TJP1: variants seen among roughly 807,000 people sequenced by gnomAD.
TJP1 encodes the protein tight junction protein 1, also known as tight junction protein ZO-1.
TJP1 carries 43 observed loss-of-function variants against 194.2 expected under a neutral mutation model. That is an observed-to-expected ratio of 0.22 (90% CI 0.17 to 0.29). The LOEUF (loss-of-function observed/expected upper bound fraction) is 0.29, where lower values mean the gene tolerates loss of function less well. Ranked by LOEUF, TJP1 falls within the 10% of genes least tolerant of loss-of-function variation. The pLI is 1.00. For missense variants in TJP1, 1,971 were observed against 2,185.7 expected (o/e 0.90, Z 1.96); for synonymous variants, 801 against 779.0 (o/e 1.03, Z -0.47).
intron 10 of TJP1, among the ~76,000 whole-genome samples, chr15:29,740,348 G>T (rs2044326770): frequency 6.6e-6 from 1 of 152,118 alleles, no homozygotes; most frequent in South Asian, 2.1e-4. Flanking sequence ...AATTTGGGCT[G>T]GGTACAGTGG....
intron 27 of TJP1, among the ~76,000 whole-genome samples, chr15:29,703,479 C>A (rs562937192): frequency 6.6e-6 from 1 of 151,912 alleles, no homozygotes; most frequent in Non-Finnish European, 1.5e-5. Context: ...ATAAATTAAA[C>A]AATAGTAACC....
At chr15:29,760,754 C>T (rs2045950292) in intron 8 of TJP1, among the ~76,000 whole-genome samples, 1 of 152,120 alleles carries the variant, frequency 6.6e-6, no homozygotes, top group Non-Finnish European at 1.5e-5. Flanking sequence ...GTTAACTTTC[C>T]CAAGCAGTAG....
At position 29,942,767 on chromosome 15, in the gene TJP1, G is replaced by A. The variant is rs144214335; in HGVS notation, c.306+13465C>T. Among the ~76,000 whole-genome samples, 969 of 152,308 alleles carry A rather than the reference G, an allele frequency of 6.4e-3. 10 individuals carry two copies. Among genetic ancestry groups the A allele is most frequent in the African/African-American group, 0.022 (919 of 41,566 alleles). ...GTGCAGTTCACTGACACCCAGGTTA[G>A]CAACACAGGCTGTATGCTCAGTGAA... On this transcript the variant is annotated intron_variant, in intron 2 of 28. Coordinates refer to the TJP1 transcript ENST00000356107.
chr15:29,882,632 G>T (rs887741399), intron 2 of TJP1, among the ~76,000 whole-genome samples: 4 of 152,206 alleles, frequency 2.6e-5, no homozygotes, highest in African/African-American at 9.7e-5. Context: ...GATTAAATGT[G>T]TTGGGCAAAT....
At chr15:29,709,668 A>C (rs1429923571) in intron 24 of TJP1, among the ~76,000 whole-genome samples, 4 of 152,386 alleles carry the variant, frequency 2.6e-5, no homozygotes, top group South Asian at 2.1e-4. Flanking sequence ...GCTTTCAGCA[A>C]ACTCTGAATA....
chr15:29,748,345 C>T, intron 8 of TJP1, among the ~76,000 whole-genome samples: 1 of 152,156 alleles, frequency 6.6e-6, no homozygotes, highest in East Asian at 1.9e-4. Context: ...CATGTGGCTA[C>T]TGGCTATGGT....
chr15:29,921,541 G>C (rs367548813), intron 2 of TJP1, among the ~76,000 whole-genome samples: 2 of 152,158 alleles, frequency 1.3e-5, no homozygotes, highest in East Asian at 3.9e-4. Context: ...GAGTAGGGAC[G>C]GAGGAGATGT....
chr15:29,945,340 T>C (rs1414827421), intron 2 of TJP1, among the ~76,000 whole-genome samples: 1 of 152,254 alleles, frequency 6.6e-6, no homozygotes. Flanking sequence ...AATCACCAGC[T>C]GATATTCTTT....
At chr15:29,749,489 A>G (rs2045096175) in intron 8 of TJP1, among the ~76,000 whole-genome samples, 1 of 152,204 alleles carries the variant, frequency 6.6e-6, no homozygotes, top group Admixed American at 6.5e-5. Flanking sequence ...CAGCATGGTC[A>G]GTACAGGGTC....
At chr15:29,818,880 C>T (rs926540273) in intron 1 of TJP1, among the ~76,000 whole-genome samples, 8 of 151,942 alleles carry the variant, frequency 5.3e-5, no homozygotes, top group African/African-American at 1.9e-4. Flanking sequence ...GCAGTGGCCC[C>T]GATCTCAGCT....
chr15:29,726,651 G>A lies in TJP1; in HGVS notation c.2311+130C>T, dbSNP rs574270320. ...ATTTTCTTTTAACCAAACAGCAGGT[G>A]TTAACACAACAGGAAGCTTTCCAAG... On this transcript the variant is annotated intron_variant, in intron 17 of 27. Transcript: ENST00000614355. 1.4e-4 allele frequency: 160 copies of A among 1,140,188 alleles called. 3 individuals carry two copies. The South Asian group carries it at 1.8e-3, about 13-fold the overall frequency. The allele number at this position is 1,140,188 out of a possible 1,614,324, so 70.6% of individuals were successfully genotyped here.
At chr15:29,795,900 T>A (rs1156403657) in intron 2 of TJP1, among the ~76,000 whole-genome samples, 1 of 152,126 alleles carries the variant, frequency 6.6e-6, no homozygotes, top group Non-Finnish European at 1.5e-5. Context: ...AAAACCCATA[T>A]AATCCCAGTC....
chr15:29,934,029 A>G (rs930498295), intron 2 of TJP1, among the ~76,000 whole-genome samples: 2 of 110,856 alleles, frequency 1.8e-5, no homozygotes, highest in African/African-American at 2.8e-5. Context: ...ATAAGAGACG[A>G]AAAAAAATCC....
At position 29,942,860 on chromosome 15, in the gene TJP1, G is replaced by A. The variant is rs556620533; in HGVS notation, c.306+13372C>T. On this transcript the variant is annotated intron_variant, in intron 2 of 28. Coordinates refer to the TJP1 transcript ENST00000356107. ...GGGACTTGTTCATAAGCACCTATAA[G>A]AACCAACTCCCAAGTCATTTTTCTT... Among the ~76,000 whole-genome samples the A allele has an allele frequency of 4.6e-5, 7 of 152,318 alleles. No individual in the cohort carries two copies. In the South Asian group the frequency reaches 1.5e-3, roughly 32 times the overall value.
intron 2 of TJP1, among the ~76,000 whole-genome samples, chr15:29,898,602 A>G (rs1484318368): frequency 6.6e-6 from 1 of 152,222 alleles, no homozygotes; most frequent in Non-Finnish European, 1.5e-5. Flanking sequence ...TTATTACATA[A>G]TGCTAATACA....
intron 2 of TJP1, among the ~76,000 whole-genome samples, chr15:29,798,274 T>C (rs1281651011): frequency 1.3e-5 from 2 of 150,522 alleles, no homozygotes; most frequent in Non-Finnish European, 3.0e-5. Context: ...CCCAGCGTTT[T>C]TTTTTTTTTT....
At chr15:29,877,424 C>T (rs1353636662) in intron 2 of TJP1, among the ~76,000 whole-genome samples, 2 of 152,178 alleles carry the variant, frequency 1.3e-5, no homozygotes, top group Admixed American at 1.3e-4. Flanking sequence ...ACTTTGTTGC[C>T]CAGGCTGGTC....
chr15:29,813,612 GCTT>G (rs1295418266), intron 1 of TJP1, among the ~76,000 whole-genome samples: 1 of 152,160 alleles, frequency 6.6e-6, no homozygotes, highest in African/African-American at 2.4e-5. Context: ...CAAAACTAGT[GCTT>G]TCAGAATGCA....
Position 29,708,884 on chromosome 15 carries a change from G to C in TJP1, c.4525C>G (p.Pro1509Ala), listed in dbSNP as rs367670770. ...TGAGTCTGTTCAGTTCCATTAACTGGGGCTTTATCTGGAAAACTTTTCTGG... is the reference window on the plus strand; with the variant it reads ...TGAGTCTGTTCAGTTCCATTAACTGCGGCTTTATCTGGAAAACTTTTCTGG... ...YPQKSFPDKA[P>A]VNGTEQTQKT... is the part of the protein sequence containing the mutation. The change falls in exon 25 of 28, where the codon CCA becomes GCA. Residue 1509 changes from proline to alanine, a missense_variant. Around this residue, in one of 5 missense-constraint regions of TJP1, gnomAD observed 1,108 missense variants for 1,128.5 expected, o/e 0.98. Coordinates refer to ENST00000614355, the MANE Select transcript of TJP1 (RefSeq NM_001330239.4). 11 of 1,614,022 alleles carry C rather than the reference G, an allele frequency of 6.8e-6. No homozygotes were observed. The African/African-American group carries it at 1.5e-4, about 22-fold the overall frequency.
Sources: gnomAD v4.1 joint callset for allele counts (sites outside exome capture counted in the v4.1 genomes callset) on GRCh38, gnomAD v4.1.1 for gene constraint, gnomAD v4.1.1 regional missense constraint, MANE v1.5 for transcripts, NCBI Gene and HGNC (gene_info 2026-07-23, HGNC 2026-07-21) for gene names.